The following CHST9 variants were observed in gnomAD, a reference collection of about 807,000 sequenced individuals.
The protein encoded by CHST9 is GalNAc-4-sulfotransferase 2.
Under a neutral mutation model 44.4 loss-of-function variants are expected in CHST9, and 41 were observed. The ratio of observed to expected loss-of-function variants is 0.92; its 90% confidence interval spans 0.72 to 1.20. The LOEUF (loss-of-function observed/expected upper bound fraction) is 1.20. CHST9 is among the 50% of genes most tolerant of loss of function. CHST9 has a pLI of 0.00. For missense variants in CHST9, 504 were observed against 516.5 expected (o/e 0.98, Z 0.23); for synonymous variants, 171 against 178.4 (o/e 0.96, Z 0.33).
rs1176145934 is a variant in CHST9, at chr18:27,011,095, T to C, written c.202+13021A>G. Among the ~76,000 whole-genome samples the C allele has an allele frequency of 2.6e-5, 4 of 152,286 alleles. No individual in the cohort carries two copies. In the East Asian group the frequency reaches 5.8e-4, roughly 22 times the overall value. ...ATGGAGATTAACAATAAGGAGGACTTGAAGCCACAGGAAGATTTATCTCTG... is the reference window on the plus strand; with the variant it reads ...ATGGAGATTAACAATAAGGAGGACTCGAAGCCACAGGAAGATTTATCTCTG... On this transcript the variant is annotated intron_variant, in intron 4 of 5. Transcript: ENST00000618847.
Position 26,939,121 on chromosome 18 carries a change from T to TGG in CHST9, c.240+5206_240+5207dup, listed in dbSNP as rs200005745. On this transcript the variant is annotated intron_variant, in intron 5 of 5. Coordinates refer to ENST00000618847, the MANE Select transcript of CHST9 (RefSeq NM_031422.6). ...TACTAGGTAGTTTCAAAAATCATGT[T>TGG]GGGATATAAATGATTAGAATATAGG... 3.8e-3 allele frequency among the ~76,000 whole-genome samples: 586 copies of TGG among 152,270 alleles called. 4 individuals carry two copies. The highest frequency in any genetic ancestry group is 0.017 in the Middle Eastern group (5 of 294).
At chr18:27,143,184 G>A (rs1437421111) in intron 1 of CHST9, 1 of 153,612 alleles carries the variant, frequency 6.5e-6, no homozygotes, top group African/African-American at 2.4e-5. Context: ...ATTGTAAAGT[G>A]TAAAGTAAGG....
intron 4 of CHST9, among the ~76,000 whole-genome samples, chr18:27,001,823 G>A (rs1598628872): frequency 1.3e-5 from 2 of 152,152 alleles, no homozygotes; most frequent in East Asian, 3.9e-4. Flanking sequence ...GTTGTGGATT[G>A]GCACACTCAG....
At chr18:26,980,735 T>G (rs573669888) in intron 4 of CHST9, among the ~76,000 whole-genome samples, 1 of 152,162 alleles carries the variant, frequency 6.6e-6, no homozygotes, top group Non-Finnish European at 1.5e-5. Flanking sequence ...AGTCCACACT[T>G]TTCTTGGGGA....
intron 1 of CHST9, among the ~76,000 whole-genome samples, chr18:27,154,774 A>G (rs1374707598): frequency 6.6e-6 from 1 of 151,990 alleles, no homozygotes; most frequent in Non-Finnish European, 1.5e-5. Flanking sequence ...TAGCTTTGTG[A>G]CACAGCTCAT....
At chr18:26,960,952 A>C (rs983195310) in intron 4 of CHST9, among the ~76,000 whole-genome samples, 1 of 152,246 alleles carries the variant, frequency 6.6e-6, no homozygotes, top group African/African-American at 2.4e-5. Flanking sequence ...ATGTTTAGGG[A>C]ATAAAAGAAT....
rs2055430081 is a variant in CHST9, at chr18:26,910,776, G to T, written c.*5483C>A. On this transcript the variant is annotated 3_prime_UTR_variant, in exon 6 of 6. Coordinates refer to ENST00000618847, the MANE Select transcript of CHST9 (RefSeq NM_031422.6). ...TACTCAGTTTTCTCATTCATGAAAT[G>T]ATAGGTGGAAAAATACTCGACTTTG... 1 of 152,176 alleles carries T rather than the reference G, an allele frequency of 6.6e-6. No individual in the cohort carries two copies. The allele number at this position is 152,176 out of a possible 1,614,324, so 9.4% of individuals were successfully genotyped here.
rs1568085548 is a variant in CHST9 at position 26,911,514 on chromosome 18, T to C, written c.*4745A>G. 1 of 152,206 alleles carries C rather than the reference T, an allele frequency of 6.6e-6. No individual in the cohort carries two copies. The highest frequency in any genetic ancestry group is 1.9e-4 in the East Asian group (1 of 5,202). The allele number at this position is 152,206 out of a possible 1,614,324, so 9.4% of individuals were successfully genotyped here. A position where few individuals can be genotyped will look rare whatever the true frequency, so the allele number is the denominator to read the frequency against. ...GCCTATCAGGGAGCTCATAAAGAGA[T>C]GAGATTTTGAAATTGAATAATCTCA... On this transcript the variant is annotated 3_prime_UTR_variant, in exon 6 of 6. Transcript: ENST00000618847.
chr18:27,119,234 C>T (rs184373739), intron 2 of CHST9, among the ~76,000 whole-genome samples: 90 of 152,252 alleles, frequency 5.9e-4, no homozygotes, highest in African/African-American at 2.0e-3. Flanking sequence ...ATAATGTGTT[C>T]TTATAACCTC....
At chr18:27,017,086 C>G (rs938998814) in intron 4 of CHST9, among the ~76,000 whole-genome samples, 1 of 152,108 alleles carries the variant, frequency 6.6e-6, no homozygotes, top group African/African-American at 2.4e-5. Context: ...GTACTTCAAG[C>G]CTGACAATTT....
intron 2 of CHST9, among the ~76,000 whole-genome samples, chr18:27,083,829 T>C (rs567892197): frequency 6.6e-6 from 1 of 152,198 alleles, no homozygotes; most frequent in African/African-American, 2.4e-5. Context: ...TTAAAATATT[T>C]GTATAACAGT....
chr18:26,986,901 GA>G (rs2056760603), intron 4 of CHST9, among the ~76,000 whole-genome samples: 1 of 152,096 alleles, frequency 6.6e-6, no homozygotes, highest in Non-Finnish European at 1.5e-5. Flanking sequence ...ATAATTTATA[GA>G]AAAATAAAAA....
rs987023737 is a variant in CHST9 at position 26,989,633 on chromosome 18, T to C, written c.202+34483A>G. ...AACACTTGTAAACAAATGTTCATAG[T>C]GGCATTATTTGTACCAGCCAGAAAC... On this transcript the variant is annotated intron_variant, in intron 4 of 5. Coordinates refer to ENST00000618847, the MANE Select transcript of CHST9 (RefSeq NM_031422.6). Among the ~76,000 whole-genome samples, 8 of 152,352 alleles carry C rather than the reference T, an allele frequency of 5.3e-5. No individual in the cohort carries two copies. The East Asian group carries it at 1.3e-3, about 26-fold the overall frequency.
chr18:27,026,423 A>G (rs997787155), intron 3 of CHST9, among the ~76,000 whole-genome samples: 9 of 152,148 alleles, frequency 5.9e-5, no homozygotes, highest in African/African-American at 2.2e-4. Flanking sequence ...TGAAAGAGCT[A>G]TTTCTGTAAG....
At chr18:27,173,342 G>A (rs1296939897) in intron 1 of CHST9, among the ~76,000 whole-genome samples, 1 of 151,980 alleles carries the variant, frequency 6.6e-6, no homozygotes, top group Non-Finnish European at 1.5e-5. Context: ...GCCCTGGCCA[G>A]ATCTATTCTA....
intron 3 of CHST9, among the ~76,000 whole-genome samples, chr18:27,036,594 G>C (rs1293684987): frequency 6.6e-6 from 1 of 151,986 alleles, no homozygotes; most frequent in Non-Finnish European, 1.5e-5. Context: ...CCCACTTCAG[G>C]CAAAGCCAAG....
chr18:27,017,403 A>G (rs2057167728), intron 4 of CHST9, among the ~76,000 whole-genome samples: 1 of 152,212 alleles, frequency 6.6e-6, no homozygotes, highest in South Asian at 2.1e-4. Flanking sequence ...TAATGTAGTC[A>G]TACAGTAGAA....
At chr18:27,084,826 G>T (rs1231478719) in intron 2 of CHST9, among the ~76,000 whole-genome samples, 1 of 151,866 alleles carries the variant, frequency 6.6e-6, no homozygotes, top group Admixed American at 6.6e-5. Context: ...CTTTAGCTGT[G>T]TCCAGAGATA....
intron 2 of CHST9, among the ~76,000 whole-genome samples, chr18:27,131,569 A>G (rs1057033019): frequency 3.3e-5 from 5 of 152,100 alleles, no homozygotes; most frequent in Admixed American, 3.3e-4. Flanking sequence ...AAAACAGAAC[A>G]AAAAAACAAA....
Sources: gnomAD v4.1 joint callset for allele counts (sites outside exome capture counted in the v4.1 genomes callset) on GRCh38, gnomAD v4.1.1 for gene constraint, MANE v1.5 for transcripts, NCBI Gene and HGNC (gene_info 2026-07-23, HGNC 2026-07-21) for gene names.